The following PCDHA7 variants were observed in gnomAD, a reference collection of about 807,000 sequenced individuals.
PCDHA7 encodes protocadherin alpha-7.
In PCDHA7, 37 loss-of-function variants were observed where a neutral mutation model predicts 57.2. The observed-to-expected ratio is 0.65, with a 90% confidence interval of 0.50 to 0.85. The LOEUF (loss-of-function observed/expected upper bound fraction) is 0.85. Ranked by LOEUF, PCDHA7 falls within the 40% of genes least tolerant of loss-of-function variation. The pLI is 0.00. For missense variants in PCDHA7, 1,188 were observed against 1,241.8 expected (o/e 0.96, Z 0.65); for synonymous variants, 553 against 558.8 (o/e 0.99, Z 0.15).
At chr5:140,990,628 G>A (rs1380038956) in intron 3 of PCDHA7, among the ~76,000 whole-genome samples, 1 of 152,154 alleles carries the variant, frequency 6.6e-6, no homozygotes, top group African/African-American at 2.4e-5. Flanking sequence ...TCTGTGGTAA[G>A]ACTAGAAGCC....
intron 1 of PCDHA7, chr5:140,882,816 A>G (rs2059323174): frequency 1.9e-6 from 3 of 1,614,266 alleles, no homozygotes; most frequent in Non-Finnish European, 1.7e-6. Flanking sequence ...TTGGACGCAC[A>G]AAACAGTCTT....
rs2150277025 is a variant in PCDHA7, at chr5:140,837,589, G to A, written c.2355+851G>A. Among the ~76,000 whole-genome samples the A allele has an allele frequency of 4.8e-4, 73 of 151,324 alleles. 1 individual carries two copies. Among genetic ancestry groups the A allele is most frequent in the Admixed American group, 7.9e-4 (12 of 15,168 alleles). On this transcript the variant is annotated intron_variant, in intron 1 of 3. Coordinates refer to ENST00000525929, the MANE Select transcript of PCDHA7 (RefSeq NM_018910.3). ...ATTTACAATCACCAAATTGTAAATCGCCAATATATATATTTTATAATTTGC... is the reference window on the plus strand; with the variant it reads ...ATTTACAATCACCAAATTGTAAATCACCAATATATATATTTTATAATTTGC...
intron 3 of PCDHA7, among the ~76,000 whole-genome samples, chr5:141,008,133 A>G (rs782089475): frequency 6.6e-6 from 1 of 152,208 alleles, no homozygotes; most frequent in Non-Finnish European, 1.5e-5. Context: ...GGGGATGACA[A>G]ATGCTGCTGA....
In PCDHA7 at chr5:141,012,013, G is replaced by A. The variant is rs181445737; in HGVS notation, c.*2076G>A. 25 of 153,796 alleles carry A rather than the reference G, an allele frequency of 1.6e-4. No homozygotes were observed. The highest frequency in any genetic ancestry group is 2.1e-4 in the South Asian group (1 of 4,818). 9.5% of individuals were successfully genotyped at this position (153,796 alleles called of 1,614,324 possible). A position where few individuals can be genotyped will look rare whatever the true frequency, so the allele number is the denominator to read the frequency against. ...CATTCTCCCATATTTTGAAGGGTGTGTAACTTCAGCTCTGCAGGATTGCAT... is the reference window on the plus strand; with the variant it reads ...CATTCTCCCATATTTTGAAGGGTGTATAACTTCAGCTCTGCAGGATTGCAT... On this transcript the variant is annotated 3_prime_UTR_variant, in exon 4 of 4. Transcript: ENST00000525929.
At chr5:140,957,734 T>C (rs559180968) in intron 1 of PCDHA7, among the ~76,000 whole-genome samples, 2 of 152,240 alleles carry the variant, frequency 1.3e-5, no homozygotes, top group Admixed American at 6.5e-5. Flanking sequence ...GAATTATATA[T>C]ACTGACATGA....
intron 1 of PCDHA7, among the ~76,000 whole-genome samples, chr5:140,901,849 A>AT (rs1167488433): frequency 2.0e-5 from 3 of 151,932 alleles, no homozygotes; most frequent in Non-Finnish European, 4.4e-5. Context: ...ATATCTTTCC[A>AT]TTTTTTTGTG....
intron 1 of PCDHA7, chr5:140,857,948 C>T (rs1160932490): frequency 2.5e-6 from 4 of 1,597,436 alleles, no homozygotes; most frequent in African/African-American, 1.3e-5. Flanking sequence ...CAGTACGACG[C>T]GCGCTCTGGA....
At chr5:140,991,753 T>C (rs1262588559) in intron 3 of PCDHA7, among the ~76,000 whole-genome samples, 3 of 152,208 alleles carry the variant, frequency 2.0e-5, no homozygotes, top group Non-Finnish European at 2.9e-5. Flanking sequence ...CTTTCTATCA[T>C]GCTCTTCAAA....
At chr5:140,980,189 A>T (rs2096879459) in intron 2 of PCDHA7, among the ~76,000 whole-genome samples, 1 of 152,226 alleles carries the variant, frequency 6.6e-6, no homozygotes, top group African/African-American at 2.4e-5. Context: ...CTTTATATTT[A>T]TTAGAGACCA....
rs1478499072 is a variant in PCDHA7 at position 140,882,356 on chromosome 5, C to T, written c.2355+45618C>T. 4 of 1,614,070 alleles carry T rather than the reference C, an allele frequency of 2.5e-6. No individual in the cohort carries two copies. The Admixed American group carries it at 5.0e-5, about 20-fold the overall frequency. On this transcript the variant is annotated intron_variant, in intron 1 of 3. Coordinates refer to ENST00000525929, the MANE Select transcript of PCDHA7 (RefSeq NM_018910.3). ...CGCAGCCTGGGAGACGGGTAGTGGC[C>T]AGCTCCACTACTCCGTCCCCGAGGA... is the stretch of plus-strand genomic sequence containing the variant.
intron 3 of PCDHA7, 155 bp downstream of exon 3, chr5:140,982,718 T>A: frequency 1.1e-6 from 1 of 924,050 alleles, no homozygotes; most frequent in Non-Finnish European, 1.3e-6. Flanking sequence ...CATATATGAT[T>A]ATTTTGATTT....
intron 1 of PCDHA7, chr5:140,871,341 C>G (rs2053000377): frequency 6.2e-7 from 1 of 1,614,188 alleles, no homozygotes; most frequent in African/African-American, 1.3e-5. Context: ...CGGTGGGGAG[C>G]TGGTCATACT....
At chr5:140,853,695 C>T (rs376697449) in intron 1 of PCDHA7, 1 of 988,266 alleles carries the variant, frequency 1.0e-6, no homozygotes, top group African/African-American at 1.8e-5. Context: ...CTTAGACCTG[C>T]TAACGCATTA....
chr5:140,946,631 T>TATATATATATATAC (rs57893927), intron 1 of PCDHA7, among the ~76,000 whole-genome samples: 2,707 of 131,678 alleles, frequency 0.021, 122 homozygotes, highest in African/African-American at 0.036. Flanking sequence ...TATATATATA[T>TATATATATATATAC]ACAATGGAAT....
chr5:140,883,068 C>T lies in PCDHA7; in HGVS notation c.2355+46330C>T, dbSNP rs782726947. The stretch of plus-strand genomic sequence containing the variant: ...ACATTAGTGATCAAGCTAAATGCCA[C>T]AGATCCTGATGATGGTACAAATGGA... On this transcript the variant is annotated intron_variant, in intron 1 of 3. Coordinates refer to ENST00000525929, the MANE Select transcript of PCDHA7 (RefSeq NM_018910.3). The T allele has an allele frequency of 1.4e-5, 23 of 1,614,130 alleles. No homozygotes were observed. The highest frequency in any genetic ancestry group is 1.9e-5 in the Non-Finnish European group (23 of 1,180,028).
At position 141,010,070 on chromosome 5, in the gene PCDHA7, C is replaced by A. The variant is rs1331011642; in HGVS notation, c.*133C>A. The A allele has an allele frequency of 3.7e-5, 60 of 1,605,422 alleles. No individual in the cohort carries two copies. Among genetic ancestry groups the A allele is most frequent in the Non-Finnish European group, 5.0e-5 (59 of 1,175,768 alleles). ...AGACCTCAGAAATCTGCAGAAAGTT[C>A]CCTGTGTCTGTCTAGAACGCATTTA... is the stretch of plus-strand genomic sequence containing the variant. On this transcript the variant is annotated 3_prime_UTR_variant, in exon 4 of 4. Coordinates refer to ENST00000525929, the MANE Select transcript of PCDHA7 (RefSeq NM_018910.3).
chr5:140,852,721 T>G (rs2042450982), intron 1 of PCDHA7: 1 of 982,810 alleles, frequency 1.0e-6, no homozygotes, highest in South Asian at 4.8e-5. Flanking sequence ...TTTGCACGTT[T>G]TTCAAGTTTC....
chr5:140,958,911 G>C (rs1458386566), intron 1 of PCDHA7, among the ~76,000 whole-genome samples: 3 of 151,406 alleles, frequency 2.0e-5, no homozygotes, highest in African/African-American at 7.3e-5. Flanking sequence ...AGAAAAGTCT[G>C]CCTGGGTGTG....
intron 1 of PCDHA7, among the ~76,000 whole-genome samples, chr5:140,957,371 T>G (rs1465346844): frequency 3.3e-5 from 5 of 152,206 alleles, no homozygotes; most frequent in Non-Finnish European, 7.4e-5. Context: ...AAACTTTTAT[T>G]ATAGTGTATT....
Sources: allele counts gnomAD v4.1 joint callset (sites outside exome capture counted in the v4.1 genomes callset), GRCh38; gene constraint gnomAD v4.1.1; transcripts MANE v1.5; gene names NCBI Gene and HGNC (gene_info 2026-07-23, HGNC 2026-07-21).